WDR64: variants seen among roughly 807,000 people sequenced by gnomAD.
The protein encoded by WDR64 is WD repeat-containing protein 64.
Under a neutral mutation model 139.3 loss-of-function variants are expected in WDR64, and 112 were observed. The ratio of observed to expected loss-of-function variants is 0.80; its 90% CI spans 0.69 to 0.94. The LOEUF (loss-of-function observed/expected upper bound fraction) is 0.94. WDR64 is among the 40% of genes least tolerant of loss of function. The probability of loss-of-function intolerance (pLI) is 0.00; values close to 1 mark genes in which losing one functional copy is unlikely to be tolerated. For synonymous variants in WDR64, 444 were observed against 437.7 expected (o/e 1.01, Z -0.18); for missense variants, 1,206 against 1,293.1 (o/e 0.93, Z 1.03).
At chr1:241,661,623 T>C (rs1381425639) in intron 2 of WDR64, among the ~76,000 whole-genome samples, 1 of 152,172 alleles carries the variant, frequency 6.6e-6, no homozygotes, top group East Asian at 1.9e-4. Flanking sequence ...ACAATTTTAC[T>C]CATAAATATA....
intron 9 of WDR64, among the ~76,000 whole-genome samples, chr1:241,716,370 G>T (rs981137071): frequency 4.0e-5 from 6 of 151,398 alleles, no homozygotes; most frequent in Admixed American, 4.0e-4. Flanking sequence ...TGACCATCAA[G>T]AATATTTTTG....
At position 241,652,379 on chromosome 1, in the gene WDR64, C is replaced by T; in HGVS notation, c.-106C>T. ...AAGATCAAAGGAATTAGACCTAGGGCAAAAACTGAGACAGCAGGGAGGCAC... is the reference window on the plus strand; with the variant it reads ...AAGATCAAAGGAATTAGACCTAGGGTAAAAACTGAGACAGCAGGGAGGCAC... On this transcript the variant is annotated 5_prime_UTR_variant, in exon 1 of 28. Transcript: ENST00000437684. 2 of 1,224,102 alleles carry T rather than the reference C, an allele frequency of 1.6e-6. No individual in the cohort carries two copies. The highest frequency in any genetic ancestry group is 2.2e-6 in the Non-Finnish European group (2 of 894,574). 75.8% of individuals were successfully genotyped at this position (1,224,102 alleles called of 1,614,324 possible). A position where few individuals can be genotyped will look rare whatever the true frequency, so the allele number is the denominator to read the frequency against.
At chr1:241,657,024 G>A (rs1304101620) in intron 1 of WDR64, among the ~76,000 whole-genome samples, 1 of 151,738 alleles carries the variant, frequency 6.6e-6, no homozygotes, top group East Asian at 1.9e-4. Context: ...CAACCCACTA[G>A]CATATCTTTA....
chr1:241,705,991 C>T (rs1457961225), intron 8 of WDR64, among the ~76,000 whole-genome samples: 2 of 151,764 alleles, frequency 1.3e-5, no homozygotes, highest in Admixed American at 1.3e-4. Flanking sequence ...TACTATCAAT[C>T]TTACACATTA....
chr1:241,785,999 C>T (rs991796047), intron 23 of WDR64, among the ~76,000 whole-genome samples: 1 of 152,190 alleles, frequency 6.6e-6, no homozygotes, highest in Non-Finnish European at 1.5e-5. Context: ...TCAGTCCTGC[C>T]TAAAGCAGAA....
chr1:241,685,843 C>T (rs1422056729), intron 7 of WDR64, among the ~76,000 whole-genome samples: 1 of 152,172 alleles, frequency 6.6e-6, no homozygotes, highest in Non-Finnish European at 1.5e-5. Context: ...GCTCTATATA[C>T]TATTAAGCAT....
At position 241,784,976 on chromosome 1, in the gene WDR64, A is replaced by AAAAAAAAAAAAAAAAAAAAAAAAAG. The variant is rs138513526; in HGVS notation, c.2705+1595_2705+1596insAAAAAAAAAAAAAAAAAAAAAAAAG. On this transcript the variant is annotated intron_variant, in intron 23 of 27. Transcript: ENST00000437684. ...CTGAAAAAAAAAAAAAAAAAAAAAA[A>AAAAAAAAAAAAAAAAAAAAAAAAAG]GAAAGGACATCTGCTGTTTTATTTG... is the stretch of plus-strand genomic sequence containing the variant. Among the ~76,000 whole-genome samples the AAAAAAAAAAAAAAAAAAAAAAAAAG allele has an allele frequency of 5.2e-4, 51 of 98,458 alleles. 8 individuals carry two copies. Among genetic ancestry groups the AAAAAAAAAAAAAAAAAAAAAAAAAG allele is most frequent in the East Asian group, 9.6e-4 (3 of 3,110 alleles). The allele number at this position is 98,458 out of a possible 152,430, so 64.6% of individuals were successfully genotyped here. A position where few individuals can be genotyped will look rare whatever the true frequency, so the allele number is the denominator to read the frequency against.
chr1:241,679,466 T>C lies in WDR64; in HGVS notation c.514-19T>C. On this transcript the variant is annotated intron_variant, in intron 5 of 27. Coordinates refer to ENST00000437684, the MANE Select transcript of WDR64 (RefSeq NM_001367482.1). ...GAAGGAAATGCATTATATCCCCCAATTCTCTGCTTTTCTATCAGGACACCT... is the reference window on the plus strand; with the variant it reads ...GAAGGAAATGCATTATATCCCCCAACTCTCTGCTTTTCTATCAGGACACCT... 2.6e-6 allele frequency: 4 copies of C among 1,546,320 alleles called. No individual in the cohort carries two copies. Among genetic ancestry groups the C allele is most frequent in the Non-Finnish European group, 2.6e-6 (3 of 1,141,750 alleles).
At chr1:241,741,813 C>T (rs992641184) in intron 12 of WDR64, 149 bp downstream of exon 12, 48 of 906,436 alleles carry the variant, frequency 5.3e-5, no homozygotes, top group Admixed American at 4.5e-4. Flanking sequence ...TCCATGAGTA[C>T]GTGAAAAACA....
chr1:241,751,629 TA>T (rs2148265987), intron 14 of WDR64, among the ~76,000 whole-genome samples: 1 of 152,320 alleles, frequency 6.6e-6, no homozygotes, highest in African/African-American at 2.4e-5. Flanking sequence ...AGACAGTCCT[TA>T]ACGGCTTAAA....
chr1:241,725,824 A>G (rs940078130), intron 10 of WDR64, among the ~76,000 whole-genome samples: 6 of 150,844 alleles, frequency 4.0e-5, no homozygotes, highest in Non-Finnish European at 7.4e-5. Flanking sequence ...CCCCACTCCA[A>G]AAAAAAAACT....
chr1:241,697,210 C>G (rs1667527552), intron 8 of WDR64, among the ~76,000 whole-genome samples: 1 of 152,196 alleles, frequency 6.6e-6, no homozygotes, highest in African/African-American at 2.4e-5. Flanking sequence ...AGTGACTATT[C>G]CAGACTTCTG....
intron 4 of WDR64, 49 bp downstream of exon 4, chr1:241,674,796 A>G (rs1045737352): frequency 8.4e-6 from 10 of 1,196,226 alleles, no homozygotes; most frequent in African/African-American, 1.5e-5. Context: ...TACAATAACC[A>G]GGTAATTTAA....
chr1:241,743,368 C>A (rs1317258373), intron 12 of WDR64, among the ~76,000 whole-genome samples: 3 of 152,124 alleles, frequency 2.0e-5, no homozygotes, highest in Non-Finnish European at 4.4e-5. Flanking sequence ...TAATCAGGGA[C>A]ACGCAGAGGT....
At chr1:241,728,900 G>A (rs1209300914) in intron 10 of WDR64, among the ~76,000 whole-genome samples, 1 of 150,894 alleles carries the variant, frequency 6.6e-6, no homozygotes, top group Non-Finnish European at 1.5e-5. Flanking sequence ...TGTAAAAGTT[G>A]CTAATTTTCG....
intron 20 of WDR64, among the ~76,000 whole-genome samples, chr1:241,773,851 T>G (rs1023842689): frequency 6.6e-6 from 1 of 152,198 alleles, no homozygotes; most frequent in East Asian, 1.9e-4. Flanking sequence ...CCACTAAATA[T>G]CTTACTGGAT....
intron 17 of WDR64, among the ~76,000 whole-genome samples, chr1:241,770,212 G>T (rs935016258): frequency 6.6e-6 from 1 of 152,128 alleles, no homozygotes. Context: ...CTTTTCAGCC[G>T]GTTTCAGTGG....
rs1270626600 is a variant in WDR64, at chr1:241,769,518, T to A, written c.2183+13T>A. 1 of 1,545,642 alleles carries A rather than the reference T, an allele frequency of 6.5e-7. No homozygotes were observed. Among genetic ancestry groups the A allele is most frequent in the Non-Finnish European group, 8.8e-7 (1 of 1,142,040 alleles). ...CTGAATGTGCAAGGTAACTCGTTAC[T>A]TACTGAACCAGTAATACTGTCTGGG... is the stretch of plus-strand genomic sequence containing the variant. On this transcript the variant is annotated intron_variant, in intron 17 of 27. Coordinates refer to ENST00000437684, the MANE Select transcript of WDR64 (RefSeq NM_001367482.1).
At chr1:241,771,941 C>CAT (rs1359575397) in intron 19 of WDR64, among the ~76,000 whole-genome samples, 510 of 28,596 alleles carry the variant, frequency 0.018, 2 homozygotes, top group African/African-American at 0.027. Flanking sequence ...TACATACATA[C>CAT]ATACATATAT....
Sources: gnomAD v4.1 joint callset for allele counts (sites outside exome capture counted in the v4.1 genomes callset) on GRCh38, gnomAD v4.1.1 for gene constraint, MANE v1.5 for transcripts, NCBI Gene and HGNC (gene_info 2026-07-23, HGNC 2026-07-21) for gene names.